RIOX1: variants seen among roughly 807,000 people sequenced by gnomAD.
RIOX1 encodes the protein ribosomal oxygenase 1, also known as 60S ribosomal protein L8 histidine hydroxylase.
RIOX1 carries 33 observed loss-of-function variants against 44.6 expected under a neutral mutation model. That is an observed-to-expected ratio of 0.74 (90% CI 0.56 to 0.99). The LOEUF (loss-of-function observed/expected upper bound fraction) is 0.99. RIOX1 is among the 50% of genes least tolerant of loss of function. RIOX1 has a pLI of 0.00. For missense variants in RIOX1, 821 were observed against 871.7 expected (o/e 0.94, Z 0.73); for synonymous variants, 387 against 395.8 (o/e 0.98, Z 0.26).
Position 73,492,577 on chromosome 14 carries a change from A to G in RIOX1, c.1560A>G (p.Ala520=), listed in dbSNP as rs376001064. 6.2e-7 allele frequency: 1 copy of G among 1,613,920 alleles called. No homozygotes were observed. Among genetic ancestry groups the G allele is most frequent in the Non-Finnish European group, 8.5e-7 (1 of 1,179,852 alleles). The change falls in exon 1 of 1, where the codon GCA becomes GCG. Residue 520 remains alanine, a synonymous_variant. Coordinates refer to ENST00000304061, the MANE Select transcript of RIOX1 (RefSeq NM_024644.5). The surrounding 1 kb of genome is among the most constrained non-coding windows in gnomAD (Gnocchi z 4.9). ...CTGTTTTGACTGATAGGGAGAGGGC[A>G]CTAAGTGTTTACGGGCTTCCAATTC... is the stretch of plus-strand genomic sequence containing the variant. ...LPPVLTDRER[A]LSVYGLPIRW...
At position 73,493,294 on chromosome 14, in the gene RIOX1, A is replaced by G. The variant is rs1885910262; in HGVS notation, c.*351A>G. 6.8e-6 allele frequency: 4 copies of G among 590,472 alleles called. No homozygotes were observed. In the Admixed American group the frequency reaches 1.3e-4, roughly 20 times the overall value. 36.6% of individuals were successfully genotyped at this position (590,472 alleles called of 1,614,324 possible). A position where few individuals can be genotyped will look rare whatever the true frequency, so the allele number is the denominator to read the frequency against. ...ATTTTTTTTGGAATTTGGATCTTTC[A>G]TCTGAGTTCTTTTTCATGGGCGGGT... On this transcript the variant is annotated 3_prime_UTR_variant, in exon 1 of 1. Transcript: ENST00000304061.
chr14:73,490,969 T>C lies in RIOX1; in HGVS notation c.-49T>C. 7.6e-7 allele frequency: 1 copy of C among 1,310,674 alleles called. No homozygotes were observed. The highest frequency in any genetic ancestry group is 9.8e-7 in the Non-Finnish European group (1 of 1,023,926). The allele number at this position is 1,310,674 out of a possible 1,614,324, so 81.2% of individuals were successfully genotyped here. A position where few individuals can be genotyped will look rare whatever the true frequency, so the allele number is the denominator to read the frequency against. ...CAGCCGCTGCATTCAGGAACCGCTT[T>C]AGCTTCGCCCCCGGCCGGCCGGGCG... is the stretch of plus-strand genomic sequence containing the variant. On this transcript the variant is annotated 5_prime_UTR_variant, in exon 1 of 1. Transcript: ENST00000304061.
chr14:73,492,887 A>C lies in RIOX1; in HGVS notation c.1870A>C (p.Thr624Pro), dbSNP rs375389059. The C allele has an allele frequency of 1.2e-6, 2 of 1,613,770 alleles. No homozygotes were observed. Among genetic ancestry groups the C allele is most frequent in the Non-Finnish European group, 1.7e-6 (2 of 1,179,862 alleles). ...DSVEDQLSLA[T>P]TLYDKGLLLT... ...TGTGGAGGACCAGCTGTCCTTGGCA[A>C]CCACGTTGTATGATAAGGGGCTGCT... The change falls in exon 1 of 1, where the codon ACC (threonine) becomes CCC (proline). Residue 624 changes from threonine (T) to proline (P), a missense_variant. Physicochemically the swap from Thr to Pro is conservative, Grantham distance 38. Coordinates refer to ENST00000304061, the MANE Select transcript of RIOX1 (RefSeq NM_024644.5). This position sits in a 1 kb window ranked among gnomAD's most constrained non-coding sequence, Gnocchi z 4.9.
rs1885700771 is a variant in RIOX1 at position 73,491,191 on chromosome 14, G to C, written c.174G>C (p.Leu58=). 6.9e-6 allele frequency: 11 copies of C among 1,598,396 alleles called. No homozygotes were observed. The highest frequency in any genetic ancestry group is 9.4e-6 in the Non-Finnish European group (11 of 1,172,452). ...SRMAALRTQT[L]PSENSEESRV... is the part of the protein sequence containing the mutation. ...TGGCAGCGCTGAGGACGCAGACGCT[G>C]CCTAGCGAGAACTCGGAGGAATCGA... The change falls in exon 1 of 1, where the codon CTG becomes CTC. Residue 58 remains leucine (L), a synonymous_variant. Transcript: ENST00000304061.
Position 73,491,511 on chromosome 14 carries a change from C to T in RIOX1, c.494C>T (p.Ala165Val). The T allele has an allele frequency of 6.6e-7, 1 of 1,511,704 alleles. No individual in the cohort carries two copies. Among genetic ancestry groups the T allele is most frequent in the South Asian group, 1.2e-5 (1 of 80,342 alleles). 93.6% of individuals were successfully genotyped at this position (1,511,704 alleles called of 1,614,324 possible). The part of the protein sequence containing the change: ...LAAVQSSGAP[A>V]TASGPQVDNT... ...GCCGTCCAGTCGTCCGGGGCCCCTG[C>T]GACGGCGTCGGGGCCGCAGGTGGAT... Residue 165 changes from alanine (A) to valine (V), a missense_variant, in exon 1 of 1, where the codon GCG (alanine) becomes GTG (valine). By Grantham distance (64) the Ala-to-Val change is moderately conservative. Transcript: ENST00000304061.
chr14:73,493,223 T>TTACCCAGTAC lies in RIOX1; in HGVS notation c.*280_*281insTACCCAGTAC. 3 of 974,740 alleles carry TTACCCAGTAC rather than the reference T, an allele frequency of 3.1e-6. No homozygotes were observed. The highest frequency in any genetic ancestry group is 4.9e-6 in the Non-Finnish European group (3 of 609,938). The allele number at this position is 974,740 out of a possible 1,614,324, so 60.4% of individuals were successfully genotyped here. On this transcript the variant is annotated 3_prime_UTR_variant, in exon 1 of 1. Coordinates refer to ENST00000304061, the MANE Select transcript of RIOX1 (RefSeq NM_024644.5). Reference sequence around the variant, plus strand: ...ACTTCATCACCTTCAGGCTTCAGTGTACTGGGTAACACTGACCATGTCGTT... The same window carrying TTACCCAGTAC: ...ACTTCATCACCTTCAGGCTTCAGTGTTACCCAGTACACTGGGTAACACTGACCATGTCGTT...
Position 73,492,386 on chromosome 14 carries a change from G to C in RIOX1, c.1369G>C (p.Asp457His). 6.2e-7 allele frequency: 1 copy of C among 1,613,920 alleles called. No homozygotes were observed. Among genetic ancestry groups the C allele is most frequent in the Non-Finnish European group, 8.5e-7 (1 of 1,179,808 alleles). Residue 457 changes from aspartate to histidine, a missense_variant, in exon 1 of 1, where the codon GAC becomes CAC. Coordinates refer to ENST00000304061, the MANE Select transcript of RIOX1 (RefSeq NM_024644.5). The surrounding 1 kb of genome is among the most constrained non-coding windows in gnomAD (Gnocchi z 4.9). ...GGAGTTTCGGAGGGGTCTGCCCCGA[G>C]ACTTCATGGATTACATGGGGGCCCA... is the stretch of plus-strand genomic sequence containing the variant. ...NVEFRRGLPR[D>H]FMDYMGAQHS...
chr14:73,492,583 T>G lies in RIOX1; in HGVS notation c.1566T>G (p.Ser522Arg). 2 of 1,613,906 alleles carry G rather than the reference T, an allele frequency of 1.2e-6. No homozygotes were observed. The highest frequency in any genetic ancestry group is 1.7e-6 in the Non-Finnish European group (2 of 1,179,854). Reference sequence around the variant, plus strand: ...TGACTGATAGGGAGAGGGCACTAAGTGTTTACGGGCTTCCAATTCGCTGGG... The same window carrying G: ...TGACTGATAGGGAGAGGGCACTAAGGGTTTACGGGCTTCCAATTCGCTGGG... Reference protein sequence around the residue: ...PVLTDRERALSVYGLPIRWEA... With the variant: ...PVLTDRERALRVYGLPIRWEA... The change falls in exon 1 of 1, where the codon AGT becomes AGG. Residue 522 changes from serine to arginine, a missense_variant. Physicochemically the swap from Ser to Arg is moderately radical, Grantham distance 110. Transcript: ENST00000304061. This position sits in a 1 kb window ranked among gnomAD's most constrained non-coding sequence, Gnocchi z 4.9.
chr14:73,491,525 C>T lies in RIOX1; in HGVS notation c.508C>T (p.Pro170Ser), dbSNP rs1885740213. ...SSGAPATASG[P>S]QVDNTGGEPA... ...CGGGGCCCCTGCGACGGCGTCGGGG[C>T]CGCAGGTGGATAACACGGGTGGGGA... is the stretch of plus-strand genomic sequence containing the variant. The change falls in exon 1 of 1, where the codon CCG (proline) becomes TCG (serine). Residue 170 changes from proline (P) to serine (S), a missense_variant. Coordinates refer to ENST00000304061, the MANE Select transcript of RIOX1 (RefSeq NM_024644.5). The T allele has an allele frequency of 6.6e-7, 1 of 1,523,622 alleles. No individual in the cohort carries two copies. The highest frequency in any genetic ancestry group is 8.8e-7 in the Non-Finnish European group (1 of 1,140,232). 94.4% of individuals were successfully genotyped at this position (1,523,622 alleles called of 1,614,324 possible).
In RIOX1 at chr14:73,492,172, G is replaced by A. The variant is rs1314806204; in HGVS notation, c.1155G>A (p.Pro385=). 13 of 1,613,832 alleles carry A rather than the reference G, an allele frequency of 8.1e-6. No homozygotes were observed. Among genetic ancestry groups the A allele is most frequent in the East Asian group, 2.2e-5 (1 of 44,890 alleles). The part of the protein sequence containing the change: ...PNFSQDDLGE[P]VLQTVLEPGD... ...TCAGTCAGGACGACCTCGGTGAGCC[G>A]GTGCTGCAGACCGTGCTGGAACCTG... Residue 385 remains proline, a synonymous_variant, in exon 1 of 1, where the codon CCG becomes CCA. Transcript: ENST00000304061. This position sits in a 1 kb window ranked among gnomAD's most constrained non-coding sequence, Gnocchi z 4.9.
chr14:73,491,300 G>A lies in RIOX1; in HGVS notation c.283G>A (p.Glu95Lys). The change falls in exon 1 of 1, where the codon GAG (glutamate) becomes AAG (lysine). Residue 95 changes from glutamate to lysine, a missense_variant. This residue lies in a region of RIOX1 where 554 missense variants were observed against 531.2 expected (regional missense o/e 1.04). Coordinates refer to ENST00000304061, the MANE Select transcript of RIOX1 (RefSeq NM_024644.5). ...GGCCGTCCCGGACGCAGCCCGGCGA[G>A]AGCCATACGGCCACCTGGGGCCCGC... Reference protein sequence around the residue: ...VAAVPDAARREPYGHLGPAEL... With the variant: ...VAAVPDAARRKPYGHLGPAEL... 3.9e-6 allele frequency: 6 copies of A among 1,536,176 alleles called. No homozygotes were observed. The highest frequency in any genetic ancestry group is 5.2e-6 in the Non-Finnish European group (6 of 1,143,084).
Position 73,491,193 on chromosome 14 carries a change from C to T in RIOX1, c.176C>T (p.Pro59Leu). ...GCAGCGCTGAGGACGCAGACGCTGC[C>T]TAGCGAGAACTCGGAGGAATCGAGG... The part of the protein sequence containing the change: ...RMAALRTQTL[P>L]SENSEESRVE... Residue 59 changes from proline to leucine, a missense_variant, in exon 1 of 1, where the codon CCT becomes CTT. This residue lies in a region of RIOX1 where 554 missense variants were observed against 531.2 expected (regional missense o/e 1.04). Coordinates refer to ENST00000304061, the MANE Select transcript of RIOX1 (RefSeq NM_024644.5). 6.3e-7 allele frequency: 1 copy of T among 1,596,838 alleles called. No homozygotes were observed. Among genetic ancestry groups the T allele is most frequent in the Non-Finnish European group, 8.5e-7 (1 of 1,171,268 alleles).
At position 73,492,701 on chromosome 14, in the gene RIOX1, G is replaced by C. The variant is rs113610134; in HGVS notation, c.1684G>C (p.Gly562Arg). The C allele has an allele frequency of 1.9e-6, 3 of 1,613,968 alleles. No individual in the cohort carries two copies. Among genetic ancestry groups the C allele is most frequent in the Non-Finnish European group, 2.5e-6 (3 of 1,179,878 alleles). ...TGGGATAGCTCGGCTGGTGGGTGAG[G>C]GGGGCCATTTGTTTCTCTATTACAC... ...QDGIARLVGE[G>R]GHLFLYYTVE... The change falls in exon 1 of 1, where the codon GGG (glycine) becomes CGG (arginine). Residue 562 changes from glycine (G) to arginine (R), a missense_variant. By Grantham distance (125) the Gly-to-Arg change is moderately radical. This residue lies in a region of RIOX1 where 267 missense variants were observed against 340.5 expected (regional missense o/e 0.78). Coordinates refer to ENST00000304061, the MANE Select transcript of RIOX1 (RefSeq NM_024644.5). This position sits in a 1 kb window ranked among gnomAD's most constrained non-coding sequence, Gnocchi z 4.9.
In RIOX1 at chr14:73,491,817, A is replaced by G; in HGVS notation, c.800A>G (p.Tyr267Cys). ...QFGQHLDAARYINGRRETLNP... is the reference protein window; with the variant it reads ...QFGQHLDAARCINGRRETLNP... Reference sequence around the variant, plus strand: ...GGCCAGCATTTGGACGCCGCTCGCTACATCAACGGACGACGCGAGACCCTG... The same window carrying G: ...GGCCAGCATTTGGACGCCGCTCGCTGCATCAACGGACGACGCGAGACCCTG... Residue 267 changes from tyrosine (Y) to cysteine (C), a missense_variant, in exon 1 of 1, where the codon TAC becomes TGC. This residue lies in a region of RIOX1 where 554 missense variants were observed against 531.2 expected (regional missense o/e 1.04). Transcript: ENST00000304061. The G allele has an allele frequency of 3.7e-6, 6 of 1,603,966 alleles. No individual in the cohort carries two copies. Among genetic ancestry groups the G allele is most frequent in the Non-Finnish European group, 5.1e-6 (6 of 1,175,972 alleles).
rs1433470478 is a variant in RIOX1 at position 73,492,034 on chromosome 14, C to T, written c.1017C>T (p.Pro339=). 3.7e-6 allele frequency: 6 copies of T among 1,614,024 alleles called. No homozygotes were observed. The highest frequency in any genetic ancestry group is 5.1e-6 in the Non-Finnish European group (6 of 1,179,894). The part of the protein sequence containing the change: ...LTPPNSQGFA[P]HYDDIEAFVL... Reference sequence around the variant, plus strand: ...CCCCTAACTCGCAGGGCTTTGCCCCCCACTACGACGACATCGAGGCCTTCG... The same window carrying T: ...CCCCTAACTCGCAGGGCTTTGCCCCTCACTACGACGACATCGAGGCCTTCG... Residue 339 remains proline, a synonymous_variant, in exon 1 of 1, where the codon CCC becomes CCT. Coordinates refer to ENST00000304061, the MANE Select transcript of RIOX1 (RefSeq NM_024644.5). The surrounding 1 kb of genome is among the most constrained non-coding windows in gnomAD (Gnocchi z 4.9).
Position 73,492,279 on chromosome 14 carries a change from C to T in RIOX1, c.1262C>T (p.Ser421Phe). 1 of 1,614,062 alleles carries T rather than the reference C, an allele frequency of 6.2e-7. No homozygotes were observed. ...DGVHSLHLTL[S>F]TYQRNTWGDF... ...GTCCACTCTCTGCACCTCACCTTGT[C>T]CACGTACCAGCGCAATACCTGGGGT... The change falls in exon 1 of 1, where the codon TCC becomes TTC. Residue 421 changes from serine to phenylalanine, a missense_variant. This residue lies in a region of RIOX1 where 267 missense variants were observed against 340.5 expected (regional missense o/e 0.78). Transcript: ENST00000304061. The surrounding 1 kb of genome is among the most constrained non-coding windows in gnomAD (Gnocchi z 4.9).
At position 73,492,001 on chromosome 14, in the gene RIOX1, C is replaced by T. The variant is rs750627357; in HGVS notation, c.984C>T (p.Tyr328=). 4 of 1,614,018 alleles carry T rather than the reference C, an allele frequency of 2.5e-6. No individual in the cohort carries two copies. The highest frequency in any genetic ancestry group is 2.2e-5 in the East Asian group (1 of 44,882). The change falls in exon 1 of 1, where the codon TAC becomes TAT. Residue 328 remains tyrosine (Y), a synonymous_variant. Coordinates refer to ENST00000304061, the MANE Select transcript of RIOX1 (RefSeq NM_024644.5). The surrounding 1 kb of genome is among the most constrained non-coding windows in gnomAD (Gnocchi z 4.9). ...QFGSMAGSNV[Y]LTPPNSQGFA... ...GAAGCATGGCAGGCTCCAACGTTTA[C>T]CTCACGCCCCCTAACTCGCAGGGCT...
In RIOX1 at chr14:73,492,778, A is replaced by G; in HGVS notation, c.1761A>G (p.Ile587Met). The G allele has an allele frequency of 6.2e-7, 1 of 1,613,958 alleles. No individual in the cohort carries two copies. The highest frequency in any genetic ancestry group is 8.5e-7 in the Non-Finnish European group (1 of 1,179,886). ...TGGAAGAACCCAAGTGCTTGGAAAT[A>G]TACCCCCAGCAAGCTGATGCCATGG... ...YHLEEPKCLEIYPQQADAMEL... is the reference protein window; with the variant it reads ...YHLEEPKCLEMYPQQADAMEL... Residue 587 changes from isoleucine to methionine, a missense_variant, in exon 1 of 1, where the codon ATA (isoleucine) becomes ATG (methionine). By Grantham distance (10) the Ile-to-Met change is conservative. This residue lies in a region of RIOX1 where 267 missense variants were observed against 340.5 expected (regional missense o/e 0.78). Coordinates refer to ENST00000304061, the MANE Select transcript of RIOX1 (RefSeq NM_024644.5). The surrounding 1 kb of genome is among the most constrained non-coding windows in gnomAD (Gnocchi z 4.9).
chr14:73,492,602 C>T lies in RIOX1; in HGVS notation c.1585C>T (p.Arg529Cys), dbSNP rs1313320593. 6.2e-7 allele frequency: 1 copy of T among 1,613,722 alleles called. No homozygotes were observed. The highest frequency in any genetic ancestry group is 1.3e-5 in the African/African-American group (1 of 74,880). Residue 529 changes from arginine to cysteine, a missense_variant, in exon 1 of 1, where the codon CGC (arginine) becomes TGC (cysteine). Coordinates refer to ENST00000304061, the MANE Select transcript of RIOX1 (RefSeq NM_024644.5). This position sits in a 1 kb window ranked among gnomAD's most constrained non-coding sequence, Gnocchi z 4.9. Reference protein sequence around the residue: ...RALSVYGLPIRWEAGEPVNVG... With the variant: ...RALSVYGLPICWEAGEPVNVG... ...ACTAAGTGTTTACGGGCTTCCAATT[C>T]GCTGGGAGGCTGGAGAACCTGTAAA...
Sources: allele counts gnomAD v4.1 joint callset, GRCh38; gene constraint gnomAD v4.1.1; regional missense constraint gnomAD v4.1.1; non-coding constraint Gnocchi (gnomAD v3.1); transcripts MANE v1.5; gene names NCBI Gene and HGNC (gene_info 2026-07-23, HGNC 2026-07-21).